TYW1B: variants seen among roughly 807,000 people sequenced by gnomAD.
TYW1B encodes S-adenosyl-L-methionine-dependent tRNA 4-demethylwyosine synthase TYW1B.
TYW1B carries 73 observed loss-of-function variants against 86.9 expected under a neutral mutation model. The ratio of observed to expected loss-of-function variants is 0.84; its 90% CI spans 0.70 to 1.02. The LOEUF is 1.02. TYW1B is among the 50% of genes least tolerant of loss of function. TYW1B has a pLI of 0.00. For missense variants in TYW1B, 637 were observed against 827.4 expected (o/e 0.77, Z 2.82); for synonymous variants, 248 against 292.8 (o/e 0.85, Z 1.56).
chr7:72,670,294 C>T (rs1343632810), intron 11 of TYW1B, among the ~76,000 whole-genome samples: 21 of 152,146 alleles, frequency 1.4e-4, no homozygotes, highest in African/African-American at 4.6e-4. Context: ...AAGGTTCAAG[C>T]GATTCTCCTG....
intron 10 of TYW1B, among the ~76,000 whole-genome samples, chr7:72,703,214 C>G (rs1414313263): frequency 6.6e-6 from 1 of 151,120 alleles, no homozygotes; most frequent in African/African-American, 2.4e-5. Flanking sequence ...TTAGTAGAGA[C>G]AGGGTATCAC....
At chr7:72,716,338 A>C (rs1261716787) in intron 9 of TYW1B, among the ~76,000 whole-genome samples, 1 of 152,262 alleles carries the variant, frequency 6.6e-6, no homozygotes, top group Non-Finnish European at 1.5e-5. Context: ...TAAAGGCCTT[A>C]GCGGAGTGTC....
At chr7:72,781,334 G>C (rs139392920) in intron 6 of TYW1B, among the ~76,000 whole-genome samples, 2,739 of 152,144 alleles carry the variant, frequency 0.018, 49 homozygotes, top group Middle Eastern at 0.044. Context: ...TCATGTCTTG[G>C]CATCACCCCA....
intron 10 of TYW1B, among the ~76,000 whole-genome samples, chr7:72,709,494 C>G (rs1437303475): frequency 6.6e-6 from 1 of 150,888 alleles, no homozygotes; most frequent in East Asian, 2.0e-4. Flanking sequence ...GGTGAAACCC[C>G]TGTCTCTACT....
chr7:72,768,326 G>A (rs77687822), intron 7 of TYW1B, among the ~76,000 whole-genome samples: 14,333 of 151,806 alleles, frequency 0.094, 1,181 homozygotes, highest in East Asian at 0.33. Flanking sequence ...CCGCCCCCTC[G>A]GCCACTGACC....
At chr7:72,608,770 T>G (rs1811860108) in intron 13 of TYW1B, among the ~76,000 whole-genome samples, 1 of 152,210 alleles carries the variant, frequency 6.6e-6, no homozygotes, top group South Asian at 2.1e-4. Context: ...TGTTTATATA[T>G]CCTTCTTGCA....
intron 13 of TYW1B, among the ~76,000 whole-genome samples, chr7:72,602,833 AACACACACACACACACACACACACAC>A (rs55709140): frequency 2.3e-5 from 3 of 128,034 alleles, no homozygotes; most frequent in Non-Finnish European, 3.2e-5. Context: ...AAGTGCTCAA[AACACACACACACACACACACACACAC>A]ACACACACAC....
intron 10 of TYW1B, among the ~76,000 whole-genome samples, chr7:72,711,386 G>A (rs1408514423): frequency 6.7e-6 from 1 of 148,792 alleles, no homozygotes; most frequent in Non-Finnish European, 1.5e-5. Flanking sequence ...TGTGGCTTCT[G>A]ACCTAACTCA....
chr7:72,602,763 T>C (rs1811694895), intron 13 of TYW1B, among the ~76,000 whole-genome samples: 1 of 151,758 alleles, frequency 6.6e-6, no homozygotes, highest in Non-Finnish European at 1.5e-5. Flanking sequence ...GTTGAACCAC[T>C]GTAAGTTGGG....
At chr7:72,781,931 T>C (rs781439308) in intron 6 of TYW1B, among the ~76,000 whole-genome samples, 12 of 152,198 alleles carry the variant, frequency 7.9e-5, no homozygotes, top group Non-Finnish European at 1.2e-4. Context: ...ATGAATCTTA[T>C]AGAATAACAG....
At chr7:72,610,869 C>A (rs1247541771) in intron 13 of TYW1B, among the ~76,000 whole-genome samples, 5 of 152,214 alleles carry the variant, frequency 3.3e-5, no homozygotes, top group Admixed American at 1.3e-4. Flanking sequence ...AAACACAAAT[C>A]TTCACTGTGG....
At chr7:72,672,499 C>CACACAA (rs1813633063) in intron 11 of TYW1B, among the ~76,000 whole-genome samples, 2 of 151,304 alleles carry the variant, frequency 1.3e-5, no homozygotes. Context: ...CACACACACA[C>CACACAA]ACACACACAC....
chr7:72,635,304 T>C lies in TYW1B; in HGVS notation c.1507-6307A>G, dbSNP rs568096223. Among the ~76,000 whole-genome samples the C allele has an allele frequency of 4.0e-4, 61 of 152,364 alleles. 1 individual carries two copies. Among genetic ancestry groups the C allele is most frequent in the African/African-American group, 1.4e-3 (58 of 41,592 alleles). The stretch of plus-strand genomic sequence containing the variant: ...ATCTAATTGTTTCTCATTGTCTCAA[T>C]ATCACACTTTTAATTACTGTTGCTT... On this transcript the variant is annotated intron_variant, in intron 11 of 13. Transcript: ENST00000620995.
chr7:72,754,853 T>C (rs782430711), intron 7 of TYW1B, among the ~76,000 whole-genome samples: 1 of 152,172 alleles, frequency 6.6e-6, no homozygotes, highest in South Asian at 2.1e-4. Context: ...AAATACATAA[T>C]ATTTAATATA....
At chr7:72,638,088 G>A (rs1291746369) in intron 11 of TYW1B, among the ~76,000 whole-genome samples, 10 of 149,958 alleles carry the variant, frequency 6.7e-5, no homozygotes, top group South Asian at 2.2e-4. Context: ...TGTAATGGGG[G>A]AAAAAAACAC....
chr7:72,615,977 C>T (rs1182817094), intron 13 of TYW1B, among the ~76,000 whole-genome samples: 4 of 151,838 alleles, frequency 2.6e-5, no homozygotes, highest in South Asian at 2.1e-4. Context: ...AATATAATGA[C>T]GTCTAACATA....
At chr7:72,727,681 C>T (rs868981163) in intron 9 of TYW1B, among the ~76,000 whole-genome samples, 2 of 151,768 alleles carry the variant, frequency 1.3e-5, no homozygotes, top group African/African-American at 4.8e-5. Flanking sequence ...TGGTGGCCAG[C>T]GCCTGTAGCC....
At chr7:72,673,170 A>G (rs1813652436) in intron 11 of TYW1B, among the ~76,000 whole-genome samples, 1 of 152,214 alleles carries the variant, frequency 6.6e-6, no homozygotes, top group Non-Finnish European at 1.5e-5. Context: ...CCGTCTCAAT[A>G]AAATAAAAAG....
chr7:72,631,710 T>A lies in TYW1B; in HGVS notation c.1507-2713A>T, dbSNP rs1329470756. 2.0e-5 allele frequency among the ~76,000 whole-genome samples: 3 copies of A among 151,936 alleles called. No homozygotes were observed. In the South Asian group the frequency reaches 6.2e-4, roughly 32 times the overall value. On this transcript the variant is annotated intron_variant, in intron 11 of 13. Transcript: ENST00000620995. Reference sequence around the variant, plus strand: ...TTCTTGGAAACCTAAGAGAATCAACTAAAAATGAGATTAGGCCAGTTACCA... The same window carrying A: ...TTCTTGGAAACCTAAGAGAATCAACAAAAAATGAGATTAGGCCAGTTACCA...
Sources: gnomAD v4.1 joint callset for allele counts (sites outside exome capture counted in the v4.1 genomes callset) on GRCh38, gnomAD v4.1.1 for gene constraint, MANE v1.5 for transcripts, NCBI Gene and HGNC (gene_info 2026-07-23, HGNC 2026-07-21) for gene names.